The following SYNPR variants were observed in gnomAD, a reference collection of about 807,000 sequenced individuals.
The protein encoded by SYNPR is synaptoporin.
In SYNPR, 23 loss-of-function variants were observed where a neutral mutation model predicts 32.9. That is an observed-to-expected ratio of 0.70 (90% CI 0.50 to 0.99). The LOEUF (loss-of-function observed/expected upper bound fraction) is 0.99, where lower values mean the gene tolerates loss of function less well. Ranked by LOEUF, SYNPR falls within the 50% of genes least tolerant of loss-of-function variation. The probability of loss-of-function intolerance (pLI) is 0.00; values close to 1 mark genes in which losing one functional copy is unlikely to be tolerated. For synonymous variants in SYNPR, 146 were observed against 135.9 expected, an observed-to-expected ratio of 1.07 and a Z score of -0.52; for missense variants, 318 against 349.3, an observed-to-expected ratio of 0.91 and a Z score of 0.71.
At chr3:63,328,015 C>T (rs1341226943) in intron 2 of SYNPR, among the ~76,000 whole-genome samples, 1 of 152,078 alleles carries the variant, frequency 6.6e-6, no homozygotes, top group Admixed American at 6.5e-5. Context: ...ATTAATTGGG[C>T]ATAAATTGCA....
chr3:63,242,939 G>T, intron 1 of SYNPR, among the ~76,000 whole-genome samples: 1 of 151,908 alleles, frequency 6.6e-6, no homozygotes, highest in East Asian at 1.9e-4. Context: ...CTCACTGAAA[G>T]AAAAGATCAG....
intron 3 of SYNPR, among the ~76,000 whole-genome samples, chr3:63,268,622 T>C (rs1192911299): frequency 6.6e-6 from 1 of 152,174 alleles, no homozygotes; most frequent in Admixed American, 6.5e-5. Flanking sequence ...TGGATCATCA[T>C]AAAGGTTTTC....
At position 63,514,514 on chromosome 3, in the gene SYNPR, C is replaced by T. The variant is rs117625419; in HGVS notation, c.209+33558C>T. On this transcript the variant is annotated intron_variant, in intron 3 of 5. Transcript: ENST00000478300. ...CATTTGCTTTCCTGGGTTTCTCTCC[C>T]GTCATCTAGGCAGATAAACAGCTTG... Among the ~76,000 whole-genome samples the T allele has an allele frequency of 7.9e-5, 12 of 152,254 alleles. No individual in the cohort carries two copies. The East Asian group carries it at 1.9e-3, about 25-fold the overall frequency.
intron 1 of SYNPR, among the ~76,000 whole-genome samples, chr3:63,243,141 T>C (rs572334503): frequency 6.6e-6 from 1 of 152,066 alleles, no homozygotes; most frequent in Non-Finnish European, 1.5e-5. Flanking sequence ...ATATATGATA[T>C]CTAATGTTAG....
chr3:63,319,176 G>A (rs566044785), intron 2 of SYNPR, among the ~76,000 whole-genome samples: 1 of 152,130 alleles, frequency 6.6e-6, no homozygotes, highest in African/African-American at 2.4e-5. Context: ...AGTTTTTGAA[G>A]AGACTGTCCT....
At chr3:63,609,947 A>C (rs1490059742) in intron 5 of SYNPR, among the ~76,000 whole-genome samples, 1 of 152,160 alleles carries the variant, frequency 6.6e-6, no homozygotes, top group African/African-American at 2.4e-5. Flanking sequence ...TTAAGGTTGA[A>C]GTCAGACAAA....
At chr3:63,391,661 C>G (rs899254144) in intron 2 of SYNPR, among the ~76,000 whole-genome samples, 1 of 152,046 alleles carries the variant, frequency 6.6e-6, no homozygotes, top group Non-Finnish European at 1.5e-5. Flanking sequence ...TTGATGACAA[C>G]CCTATAAGAT....
intron 3 of SYNPR, among the ~76,000 whole-genome samples, chr3:63,509,360 A>G (rs540604510): frequency 6.6e-6 from 1 of 151,612 alleles, no homozygotes; most frequent in African/African-American, 2.4e-5. Context: ...ACACATGTAT[A>G]TAACTAAAAG....
At chr3:63,591,131 C>T (rs868507037) in intron 4 of SYNPR, among the ~76,000 whole-genome samples, 4 of 150,536 alleles carry the variant, frequency 2.7e-5, no homozygotes, top group Middle Eastern at 3.4e-3. Context: ...ACAACCCCAT[C>T]AAAAAGTGGG....
At chr3:63,389,377 G>A (rs2088100663) in intron 2 of SYNPR, among the ~76,000 whole-genome samples, 1 of 152,168 alleles carries the variant, frequency 6.6e-6, no homozygotes, top group African/African-American at 2.4e-5. Flanking sequence ...TTGTCACATT[G>A]GCTTCATTCT....
intron 3 of SYNPR, among the ~76,000 whole-genome samples, chr3:63,489,192 G>A (rs1701210641): frequency 6.6e-6 from 1 of 152,110 alleles, no homozygotes; most frequent in Admixed American, 6.6e-5. Flanking sequence ...ACCACCATTG[G>A]CAACTGGGGC....
chr3:63,358,021 C>T (rs755184085), intron 2 of SYNPR, among the ~76,000 whole-genome samples: 9 of 152,132 alleles, frequency 5.9e-5, no homozygotes, highest in Non-Finnish European at 1.2e-4. Context: ...GTGATTCATT[C>T]GCGTAAAATC....
intron 2 of SYNPR, among the ~76,000 whole-genome samples, chr3:63,442,692 C>G (rs940666738): frequency 6.6e-6 from 1 of 152,142 alleles, no homozygotes; most frequent in African/African-American, 2.4e-5. Context: ...TTAAGTAACA[C>G]TCCTGTGACG....
chr3:63,610,505 A>G, intron 5 of SYNPR: 2 of 700,382 alleles, frequency 2.9e-6, no homozygotes, highest in Non-Finnish European at 5.2e-6. Context: ...AAGGCACTTA[A>G]GAAGAGAGAA....
At chr3:63,416,375 T>C (rs958366854) in intron 2 of SYNPR, among the ~76,000 whole-genome samples, 1 of 151,530 alleles carries the variant, frequency 6.6e-6, no homozygotes, top group East Asian at 1.9e-4. Context: ...TACCAAGAAA[T>C]AGAAAAATTA....
At chr3:63,595,833 TTATA>T (rs529010294) in intron 4 of SYNPR, among the ~76,000 whole-genome samples, 1 of 56,320 alleles carries the variant, frequency 1.8e-5, no homozygotes, top group Non-Finnish European at 3.1e-5. Flanking sequence ...ATATATATAG[TTATA>T]TATATAGTTT....
intron 2 of SYNPR, among the ~76,000 whole-genome samples, chr3:63,348,568 G>T (rs1345422961): frequency 6.6e-6 from 1 of 152,000 alleles, no homozygotes; most frequent in African/African-American, 2.4e-5. Context: ...TTTGTTACTT[G>T]TGCTTTTGAC....
chr3:63,334,579 TG>T (rs1285786034), intron 2 of SYNPR, among the ~76,000 whole-genome samples: 1 of 151,372 alleles, frequency 6.6e-6, no homozygotes, highest in East Asian at 1.9e-4. Flanking sequence ...GACAGGCAGA[TG>T]ATGGTGATTA....
intron 3 of SYNPR, among the ~76,000 whole-genome samples, chr3:63,531,859 G>A (rs1478989447): frequency 8.5e-5 from 13 of 152,092 alleles, no homozygotes; most frequent in Admixed American, 7.9e-4. Flanking sequence ...GGGCACTGGT[G>A]TTGGGGAAAT....
Sources: allele counts gnomAD v4.1 joint callset (sites outside exome capture counted in the v4.1 genomes callset), GRCh38; gene constraint gnomAD v4.1.1; transcripts MANE v1.5; gene names NCBI Gene and HGNC (gene_info 2026-07-23, HGNC 2026-07-21).